The following LCLAT1 variants were observed in gnomAD, a reference collection of about 807,000 sequenced individuals.
LCLAT1 encodes 1-AGP acyltransferase 8.
Under a neutral mutation model 30.7 loss-of-function variants are expected in LCLAT1, and 11 were observed. The observed-to-expected ratio is 0.36, with a 90% confidence interval of 0.23 to 0.59. The LOEUF (loss-of-function observed/expected upper bound fraction) is 0.59. Ranked by LOEUF, LCLAT1 falls within the 20% of genes least tolerant of loss-of-function variation. The pLI is 0.77. For synonymous variants in LCLAT1, 155 were observed against 151.3 expected, an observed-to-expected ratio of 1.02 and a Z score of -0.18; for missense variants, 402 against 458.6, an observed-to-expected ratio of 0.88 and a Z score of 1.13.
At chr2:30,560,692 G>C (rs781151264) in intron 3 of LCLAT1, among the ~76,000 whole-genome samples, 2 of 152,212 alleles carry the variant, frequency 1.3e-5, no homozygotes, top group East Asian at 3.9e-4. Context: ...TGTATTATCA[G>C]GGTTCTGTTG....
intron 2 of LCLAT1, among the ~76,000 whole-genome samples, chr2:30,526,106 A>G (rs1558497266): frequency 6.6e-6 from 1 of 152,014 alleles, no homozygotes; most frequent in African/African-American, 2.4e-5. Flanking sequence ...GGCTGCATGT[A>G]TTTTGCTGTG....
intron 2 of LCLAT1, among the ~76,000 whole-genome samples, chr2:30,526,675 A>G (rs545435320): frequency 1.3e-4 from 20 of 152,248 alleles, no homozygotes; most frequent in Middle Eastern, 3.4e-3. Flanking sequence ...CTTAATGTTC[A>G]TCCAGCAATT....
At chr2:30,478,947 T>C (rs903945789) in intron 1 of LCLAT1, among the ~76,000 whole-genome samples, 2 of 152,208 alleles carry the variant, frequency 1.3e-5, no homozygotes, top group African/African-American at 2.4e-5. Context: ...CCAATTGCTG[T>C]GTTTCTTTAA....
chr2:30,512,146 A>T (rs1412922245), intron 1 of LCLAT1, among the ~76,000 whole-genome samples: 1 of 152,172 alleles, frequency 6.6e-6, no homozygotes, highest in Non-Finnish European at 1.5e-5. Flanking sequence ...TTTCATCTTA[A>T]TATGAAACTC....
At chr2:30,607,421 C>CTAGT (rs1667503537) in intron 5 of LCLAT1, 1 of 152,036 alleles carries the variant, frequency 6.6e-6, no homozygotes, top group Non-Finnish European at 1.5e-5. Flanking sequence ...TAATGACGTT[C>CTAGT]TAGTTAGTGG....
intron 5 of LCLAT1, among the ~76,000 whole-genome samples, chr2:30,633,037 T>C (rs1329620690): frequency 1.3e-5 from 2 of 152,220 alleles, no homozygotes; most frequent in African/African-American, 4.8e-5. Flanking sequence ...TCTAAATATA[T>C]CTGAATCAAT....
chr2:30,589,563 A>G (rs1666599765), intron 5 of LCLAT1, among the ~76,000 whole-genome samples: 1 of 152,192 alleles, frequency 6.6e-6, no homozygotes, highest in Admixed American at 6.5e-5. Context: ...CAGAGTAAGA[A>G]TGTCTTTCTC....
rs1389837656 is a variant in LCLAT1 at position 30,641,491 on chromosome 2, CT to C, written c.*876del. 1.3e-5 allele frequency: 2 copies of C among 152,130 alleles called. No homozygotes were observed. The highest frequency in any genetic ancestry group is 4.8e-5 in the African/African-American group (2 of 41,416). 9.4% of individuals were successfully genotyped at this position (152,130 alleles called of 1,614,324 possible). A position where few individuals can be genotyped will look rare whatever the true frequency, so the allele number is the denominator to read the frequency against. ...TTCTGTCATTCCAGTCAGAAACTGT[CT>C]TTTGAAATATTTCTTTACAACCTAC... On this transcript the variant is annotated 3_prime_UTR_variant, in exon 6 of 6. Coordinates refer to ENST00000379509, the MANE Select transcript of LCLAT1 (RefSeq NM_001002257.3).
At position 30,599,993 on chromosome 2, in the gene LCLAT1, G is replaced by C. The variant is rs147940099; in HGVS notation, c.628+31817G>C. Among the ~76,000 whole-genome samples, 5 of 152,284 alleles carry C rather than the reference G, an allele frequency of 3.3e-5. No individual in the cohort carries two copies. The East Asian group carries it at 9.7e-4, about 29-fold the overall frequency. On this transcript the variant is annotated intron_variant, in intron 5 of 5. Coordinates refer to ENST00000379509, the MANE Select transcript of LCLAT1 (RefSeq NM_001002257.3). Reference sequence around the variant, plus strand: ...GTTATTTTGCAGACTTGTCAATGTAGTTGTTTCACAGTGTCATTGGTCTGT... The same window carrying C: ...GTTATTTTGCAGACTTGTCAATGTACTTGTTTCACAGTGTCATTGGTCTGT...
chr2:30,480,124 G>T lies in LCLAT1; in HGVS notation c.-5+32741G>T, dbSNP rs182143034. On this transcript the variant is annotated intron_variant, in intron 1 of 5. Transcript: ENST00000379509. ...TCCTGTTAATACTTTTATATTTGTT[G>T]TATTAGTATTCTGTTTAATAAAAAG... 2.6e-5 allele frequency among the ~76,000 whole-genome samples: 4 copies of T among 152,270 alleles called. No homozygotes were observed. The East Asian group carries it at 7.7e-4, about 29-fold the overall frequency.
intron 1 of LCLAT1, among the ~76,000 whole-genome samples, chr2:30,501,166 CAAG>C (rs2148342760): frequency 6.6e-6 from 1 of 150,870 alleles, no homozygotes; most frequent in South Asian, 2.1e-4. Context: ...TCTAGTTGGG[CAAG>C]AAGGTGAATT....
chr2:30,523,702 T>C (rs931618471), intron 1 of LCLAT1, among the ~76,000 whole-genome samples: 1 of 152,110 alleles, frequency 6.6e-6, no homozygotes, highest in African/African-American at 2.4e-5. Flanking sequence ...ACCGTGTCTT[T>C]ACTAAAAATA....
chr2:30,472,401 A>G (rs540373868), intron 1 of LCLAT1, among the ~76,000 whole-genome samples: 1 of 152,038 alleles, frequency 6.6e-6, no homozygotes, highest in Non-Finnish European at 1.5e-5. Context: ...TTAATGTTTT[A>G]TTTTGTGTTA....
intron 5 of LCLAT1, chr2:30,607,230 G>T (rs554095632): frequency 5.9e-5 from 9 of 152,254 alleles, no homozygotes; most frequent in African/African-American, 2.2e-4. Context: ...TAGAGACAGG[G>T]TTTCACCATG....
intron 5 of LCLAT1, among the ~76,000 whole-genome samples, chr2:30,583,992 C>T (rs888035037): frequency 6.6e-6 from 1 of 151,688 alleles, no homozygotes; most frequent in Non-Finnish European, 1.5e-5. Context: ...GTTTGCCGCA[C>T]CTGTTGACCC....
At chr2:30,615,988 A>G (rs6718730) in intron 5 of LCLAT1, among the ~76,000 whole-genome samples, 56,005 of 151,938 alleles carry the variant, frequency 0.37, 10,782 homozygotes, top group East Asian at 0.6. Context: ...GGTAGAGGGC[A>G]CTAGACAGAG....
intron 1 of LCLAT1, among the ~76,000 whole-genome samples, chr2:30,472,849 G>T (rs1036514445): frequency 5.9e-5 from 9 of 152,082 alleles, no homozygotes; most frequent in African/African-American, 1.9e-4. Context: ...ACAATACCTT[G>T]TAATGGAACA....
intron 1 of LCLAT1, among the ~76,000 whole-genome samples, chr2:30,488,833 A>T (rs1036693081): frequency 1.3e-5 from 2 of 152,230 alleles, no homozygotes; most frequent in African/African-American, 4.8e-5. Flanking sequence ...TGTTTCCAAT[A>T]TCATTACTAT....
chr2:30,581,131 T>TAAG (rs2148466091), intron 5 of LCLAT1, among the ~76,000 whole-genome samples: 1 of 152,222 alleles, frequency 6.6e-6, no homozygotes, highest in African/African-American at 2.4e-5. Context: ...AAAACCAAGT[T>TAAG]AAGAGCATTG....
Sources: gnomAD v4.1 joint callset for allele counts (sites outside exome capture counted in the v4.1 genomes callset) on GRCh38, gnomAD v4.1.1 for gene constraint, MANE v1.5 for transcripts, NCBI Gene and HGNC (gene_info 2026-07-23, HGNC 2026-07-21) for gene names.